PDE1C: variants seen among roughly 807,000 people sequenced by gnomAD.
PDE1C encodes the protein dual specificity calcium/calmodulin-dependent 3',5'-cyclic nucleotide phosphodiesterase 1C.
A neutral mutation model predicts 93.1 loss-of-function variants in PDE1C; 62 were observed. The ratio of observed to expected loss-of-function variants is 0.67; its 90% CI spans 0.54 to 0.82. The LOEUF is 0.82. PDE1C is among the 40% of genes least tolerant of loss of function. PDE1C has a pLI of 0.00. For missense variants in PDE1C, 742 were observed against 884.6 expected, an observed-to-expected ratio of 0.84 and a Z score of 2.04; for synonymous variants, 325 against 310.1, an observed-to-expected ratio of 1.05 and a Z score of -0.50.
In PDE1C at chr7:31,775,731, G is replaced by A. The variant is rs943597029; in HGVS notation, c.1893C>T (p.Gly631=). 5 of 1,612,568 alleles carry A rather than the reference G, an allele frequency of 3.1e-6. No homozygotes were observed. Among genetic ancestry groups the A allele is most frequent in the Non-Finnish European group, 4.2e-6 (5 of 1,179,590 alleles). ...NIGNDSKKTD[G]TKQRSHGSPA... is the part of the protein sequence containing the mutation. The stretch of plus-strand genomic sequence containing the variant: ...GTGAGCCGTGAGAACGCTGTTTTGT[G>A]CCTGTGAAGAGGAAAAAGAGGATAA... Residue 631 remains glycine (G), a splice_region_variant and synonymous_variant, in exon 17 of 18, where the codon GGC becomes GGT. Transcript: ENST00000396191.
At chr7:32,135,192 C>T (rs1016655134) in intron 3 of PDE1C, among the ~76,000 whole-genome samples, 5 of 152,126 alleles carry the variant, frequency 3.3e-5, no homozygotes, top group African/African-American at 1.2e-4. Flanking sequence ...AAATGTAATA[C>T]AATAGAGAAA....
At chr7:31,706,499 G>T in the PDE1C span, among the ~76,000 whole-genome samples, 1 of 152,166 alleles carries the variant, frequency 6.6e-6, no homozygotes, top group Non-Finnish European at 1.5e-5. Context: ...GCATACAGTT[G>T]TATGAAAAGC....
At chr7:31,776,894 T>A (rs544066617) in intron 16 of PDE1C, among the ~76,000 whole-genome samples, 1 of 150,080 alleles carries the variant, frequency 6.7e-6, no homozygotes, top group Non-Finnish European at 1.5e-5. Flanking sequence ...AAGTCCACTT[T>A]ATATGCAGAG....
chr7:31,637,090 A>T, the PDE1C span, among the ~76,000 whole-genome samples: 1,719 of 151,896 alleles, frequency 0.011, 13 homozygotes, highest in Middle Eastern at 0.024. Flanking sequence ...GGCTGCATAG[A>T]ATTCCATGGT....
the PDE1C span, among the ~76,000 whole-genome samples, chr7:31,738,800 G>A: frequency 0.017 from 2,530 of 152,244 alleles, 72 homozygotes; most frequent in African/African-American, 0.057. Context: ...CACCTGAAGC[G>A]GGGCACAGAG....
chr7:32,185,844 CAT>C (rs1188274097), intron 2 of PDE1C, among the ~76,000 whole-genome samples: 1 of 152,202 alleles, frequency 6.6e-6, no homozygotes, highest in African/African-American at 2.4e-5. Flanking sequence ...TCAATAGACA[CAT>C]GACTAGTAGC....
intron 2 of PDE1C, among the ~76,000 whole-genome samples, chr7:31,990,431 CT>C (rs1438439751): frequency 6.6e-6 from 1 of 152,120 alleles, no homozygotes. Flanking sequence ...TCCATTAAAC[CT>C]CTTTTTCTTT....
chr7:32,368,591 C>T (rs1784267637), intron 1 of PDE1C, among the ~76,000 whole-genome samples: 1 of 152,158 alleles, frequency 6.6e-6, no homozygotes, highest in African/African-American at 2.4e-5. Flanking sequence ...AAGCAATCTA[C>T]AGATTCAATG....
chr7:31,639,545 T>TGG, the PDE1C span, among the ~76,000 whole-genome samples: 3 of 6,864 alleles, frequency 4.4e-4, no homozygotes, highest in East Asian at 5.3e-3. Flanking sequence ...TTTGTTTTTT[T>TGG]TTTTTTTTTG....
the PDE1C span, among the ~76,000 whole-genome samples, chr7:31,685,522 T>A: frequency 3.7e-4 from 57 of 152,304 alleles, no homozygotes; most frequent in African/African-American, 1.2e-3. Context: ...AAGGAAAGTA[T>A]ATCTTTTCCA....
intron 2 of PDE1C, among the ~76,000 whole-genome samples, chr7:31,959,468 G>A (rs1210842379): frequency 6.6e-6 from 1 of 152,082 alleles, no homozygotes; most frequent in Non-Finnish European, 1.5e-5. Flanking sequence ...CCCTCTTCGG[G>A]CTCCCAAAGT....
chr7:31,817,308 A>T (rs1360313311), intron 14 of PDE1C, among the ~76,000 whole-genome samples: 2 of 152,190 alleles, frequency 1.3e-5, no homozygotes, highest in Non-Finnish European at 2.9e-5. Flanking sequence ...AGTCAGAGGA[A>T]CTAGAAAATG....
At chr7:32,332,482 C>T (rs926188792) in intron 1 of PDE1C, among the ~76,000 whole-genome samples, 1 of 151,678 alleles carries the variant, frequency 6.6e-6, no homozygotes, top group East Asian at 1.9e-4. Flanking sequence ...GCTTTAGTAT[C>T]TACTAAAGCT....
At chr7:32,363,028 C>T (rs763011360) in intron 1 of PDE1C, among the ~76,000 whole-genome samples, 1 of 152,178 alleles carries the variant, frequency 6.6e-6, no homozygotes, top group Non-Finnish European at 1.5e-5. Context: ...ATAACAATAG[C>T]TAGTATCAAT....
intron 1 of PDE1C, among the ~76,000 whole-genome samples, chr7:32,422,990 C>T: frequency 6.6e-6 from 1 of 152,148 alleles, no homozygotes; most frequent in East Asian, 1.9e-4. Flanking sequence ...ATCTACTCGC[C>T]CTCCCAGTGA....
At chr7:31,990,093 C>T (rs986870794) in intron 2 of PDE1C, among the ~76,000 whole-genome samples, 6 of 152,112 alleles carry the variant, frequency 3.9e-5, no homozygotes, top group Non-Finnish European at 7.3e-5. Flanking sequence ...TAGTGCAGGG[C>T]CCCTGGGGAG....
chr7:31,626,348 T>C, the PDE1C span, among the ~76,000 whole-genome samples: 3 of 152,248 alleles, frequency 2.0e-5, no homozygotes, highest in African/African-American at 4.8e-5. Context: ...CTAGTGACCA[T>C]AATCATGCTT....
At chr7:32,085,806 T>C (rs1298692947) in intron 3 of PDE1C, among the ~76,000 whole-genome samples, 1 of 149,966 alleles carries the variant, frequency 6.7e-6, no homozygotes, top group Non-Finnish European at 1.5e-5. Context: ...TTCAACAACA[T>C]TTCATGCTAA....
At chr7:31,858,446 AC>A (rs1297799816) in intron 7 of PDE1C, among the ~76,000 whole-genome samples, 1 of 152,126 alleles carries the variant, frequency 6.6e-6, no homozygotes, top group Non-Finnish European at 1.5e-5. Flanking sequence ...TCTTTAACTT[AC>A]TGTTACGGGA....
Sources: gnomAD v4.1 joint callset for allele counts (sites outside exome capture counted in the v4.1 genomes callset) on GRCh38, gnomAD v4.1.1 for gene constraint, MANE v1.5 for transcripts, NCBI Gene and HGNC (gene_info 2026-07-23, HGNC 2026-07-21) for gene names.